The following ACOXL variants were observed in gnomAD, a reference collection of about 807,000 sequenced individuals.
The protein encoded by ACOXL is acyl-coenzyme A oxidase-like protein.
ACOXL carries 70 observed loss-of-function variants against 71.9 expected under a neutral mutation model. That is an observed-to-expected ratio of 0.97 (90% confidence interval 0.80 to 1.19). ACOXL has a LOEUF of 1.19. Among genes scored for constraint, ACOXL ranks in the 50% most tolerant of loss-of-function variants. The pLI is 0.00. For missense variants in ACOXL, 703 were observed against 736.3 expected (o/e 0.95, Z 0.52); for synonymous variants, 253 against 281.6 (o/e 0.90, Z 1.02).
chr2:110,802,880 T>C (rs888581289), intron 8 of ACOXL, among the ~76,000 whole-genome samples: 5 of 152,204 alleles, frequency 3.3e-5, no homozygotes, highest in Non-Finnish European at 7.3e-5. Flanking sequence ...AAGTTTTGAA[T>C]GTCCTCATTC....
At chr2:110,766,444 G>T (rs146670178) in intron 1 of ACOXL, among the ~76,000 whole-genome samples, 1 of 152,282 alleles carries the variant, frequency 6.6e-6, no homozygotes, top group Non-Finnish European at 1.5e-5. Flanking sequence ...TGAATCTCAT[G>T]ACCTCAGTTG....
intron 17 of ACOXL, among the ~76,000 whole-genome samples, chr2:111,102,687 CCAAT>C (rs1358794314): frequency 1.1e-4 from 16 of 151,852 alleles, no homozygotes; most frequent in South Asian, 4.2e-4. Flanking sequence ...TCATCTGAGT[CCAAT>C]CAGACTCCAG....
At chr2:110,733,493 G>A (rs902864609) in intron 1 of ACOXL, among the ~76,000 whole-genome samples, 1 of 152,130 alleles carries the variant, frequency 6.6e-6, no homozygotes, top group African/African-American at 2.4e-5. Context: ...CCCATTTCAA[G>A]CAGTCTGAAA....
chr2:110,811,762 C>CACACAG (rs1424942429), intron 9 of ACOXL, among the ~76,000 whole-genome samples: 2 of 150,900 alleles, frequency 1.3e-5, no homozygotes, highest in Admixed American at 1.3e-4. Flanking sequence ...CACACACACA[C>CACACAG]ACACACACAC....
At chr2:111,022,443 A>G (rs1301378089) in intron 14 of ACOXL, among the ~76,000 whole-genome samples, 2 of 152,028 alleles carry the variant, frequency 1.3e-5, no homozygotes, top group Non-Finnish European at 2.9e-5. Context: ...ACACACACAC[A>G]CACACAAAGG....
intron 12 of ACOXL, among the ~76,000 whole-genome samples, chr2:110,961,572 CTT>C (rs2061701062): frequency 6.6e-6 from 1 of 152,180 alleles, no homozygotes; most frequent in African/African-American, 2.4e-5. Flanking sequence ...AAAAAAAACA[CTT>C]TGTTTCTTCA....
chr2:111,049,691 C>A (rs2066189861), intron 16 of ACOXL, among the ~76,000 whole-genome samples: 1 of 152,152 alleles, frequency 6.6e-6, no homozygotes, highest in Non-Finnish European at 1.5e-5. Flanking sequence ...ACTTTTGGCA[C>A]CTTAAGGAAT....
At chr2:110,883,925 G>A (rs1696988869) in intron 10 of ACOXL, among the ~76,000 whole-genome samples, 1 of 152,146 alleles carries the variant, frequency 6.6e-6, no homozygotes, top group Non-Finnish European at 1.5e-5. Flanking sequence ...TAAATATTAG[G>A]GGAGGTTGGT....
intron 16 of ACOXL, among the ~76,000 whole-genome samples, chr2:111,073,400 T>G (rs2067436562): frequency 1.3e-5 from 2 of 152,198 alleles, no homozygotes; most frequent in African/African-American, 4.8e-5. Flanking sequence ...GTTTTACATT[T>G]AGATTTATAA....
intron 12 of ACOXL, among the ~76,000 whole-genome samples, chr2:110,935,127 G>A (rs2060614605): frequency 6.6e-6 from 1 of 152,106 alleles, no homozygotes; most frequent in African/African-American, 2.4e-5. Context: ...GACCTGAAGT[G>A]GCCCCTCAGG....
intron 11 of ACOXL, among the ~76,000 whole-genome samples, chr2:110,911,662 C>T (rs568085600): frequency 2.6e-5 from 4 of 152,130 alleles, no homozygotes; most frequent in South Asian, 2.1e-4. Flanking sequence ...GAATCAAGTA[C>T]CTTTTCATGA....
chr2:110,966,591 G>A (rs1179589553), intron 12 of ACOXL, among the ~76,000 whole-genome samples: 1 of 152,268 alleles, frequency 6.6e-6, no homozygotes, highest in Non-Finnish European at 1.5e-5. Context: ...AGGGGATTTA[G>A]TGGGGAGCTG....
At chr2:110,965,883 C>T (rs1420313267) in intron 12 of ACOXL, among the ~76,000 whole-genome samples, 1 of 152,154 alleles carries the variant, frequency 6.6e-6, no homozygotes, top group African/African-American at 2.4e-5. Flanking sequence ...GGATACACAT[C>T]CCCTGTATCT....
chr2:110,771,732 TCTC>T (rs1255771119), intron 2 of ACOXL, among the ~76,000 whole-genome samples: 1 of 152,204 alleles, frequency 6.6e-6, no homozygotes, highest in East Asian at 1.9e-4. Flanking sequence ...TGTGCCAACT[TCTC>T]CTGCACCTGT....
At chr2:110,968,417 AC>A in intron 12 of ACOXL, 2 of 1,148,444 alleles carry the variant, frequency 1.7e-6, no homozygotes, top group South Asian at 1.2e-5. Flanking sequence ...GCAGAAGTAC[AC>A]CAGAAGCACA....
At chr2:110,750,741 G>A (rs2104796401) in intron 1 of ACOXL, among the ~76,000 whole-genome samples, 1 of 151,402 alleles carries the variant, frequency 6.6e-6, no homozygotes, top group East Asian at 1.9e-4. Flanking sequence ...CTGTTGCTCA[G>A]GCTGGAGTGC....
Position 110,853,426 on chromosome 2 carries a change from A to G in ACOXL, c.788+12021A>G, listed in dbSNP as rs144582260. Among the ~76,000 whole-genome samples the G allele has an allele frequency of 2.2e-4, 34 of 152,358 alleles. No homozygotes were observed. In the East Asian group the frequency reaches 4.6e-3, roughly 21 times the overall value. ...TTTCCATCTTCAGAGCCTGGCAGGT[A>G]TCATGTGCTCAGTTGGCATAGGCTG... On this transcript the variant is annotated intron_variant, in intron 10 of 17. Transcript: ENST00000439055.
At chr2:111,074,178 T>C (rs13030892) in intron 16 of ACOXL, among the ~76,000 whole-genome samples, 11,776 of 151,164 alleles carry the variant, frequency 0.078, 572 homozygotes, top group Non-Finnish European at 0.11. Context: ...TTTTTTTTTT[T>C]CTATGTAAGC....
rs982867595 is a variant in ACOXL at position 110,746,256 on chromosome 2, G to GT, written c.-23+13490dup. ...CTTTACGGAACATATGCAAACCTCTGTTTTTTTTCAACAGTGTCTATGGGC... is the reference window on the plus strand; with the variant it reads ...CTTTACGGAACATATGCAAACCTCTGTTTTTTTTTCAACAGTGTCTATGGGC... On this transcript the variant is annotated intron_variant, in intron 1 of 17. Transcript: ENST00000439055. Among the ~76,000 whole-genome samples, 6 of 151,876 alleles carry GT rather than the reference G, an allele frequency of 4.0e-5. No individual in the cohort carries two copies. The South Asian group carries it at 1.3e-3, about 32-fold the overall frequency.
Sources: allele counts gnomAD v4.1 joint callset (sites outside exome capture counted in the v4.1 genomes callset), GRCh38; gene constraint gnomAD v4.1.1; transcripts MANE v1.5; gene names NCBI Gene and HGNC (gene_info 2026-07-23, HGNC 2026-07-21).